NLRC3: variants seen among roughly 807,000 people sequenced by gnomAD.
The protein encoded by NLRC3 is NLR family CARD domain-containing protein 3.
A neutral mutation model predicts 91.6 loss-of-function variants in NLRC3; 87 were observed. That is an observed-to-expected ratio of 0.95 (90% CI 0.80 to 1.14). The LOEUF (loss-of-function observed/expected upper bound fraction) is 1.14, where lower values mean the gene tolerates loss of function less well. Among genes scored for constraint, NLRC3 ranks in the 50% most tolerant of loss-of-function variants. NLRC3 has a pLI of 0.00. For synonymous variants in NLRC3, 694 were observed against 625.3 expected (o/e 1.11, Z -1.64); for missense variants, 1,577 against 1,418.6 (o/e 1.11, Z -1.79).
chr16:3,563,619 G>C lies in NLRC3; in HGVS notation c.1318C>G (p.Gln440Glu). ...GACGATGCCAACGTCTCCTCTCTCT[G>C]CAGGAAGCAGCTGCACGGGGCGCCC... is the stretch of plus-strand genomic sequence containing the variant. Reference protein sequence around the residue: ...LQGAPCSCFLQREETLASSVA... With the variant: ...LQGAPCSCFLEREETLASSVA... The change falls in exon 5 of 20, where the codon CAG (glutamine) becomes GAG (glutamate). Residue 440 changes from glutamine (Q) to glutamate (E), a missense_variant. By Grantham distance (29) the Gln-to-Glu change is conservative (BLOSUM62 2). Coordinates refer to ENST00000359128, the MANE Select transcript of NLRC3 (RefSeq NM_178844.4). 6.2e-7 allele frequency: 1 copy of C among 1,613,446 alleles called. No individual in the cohort carries two copies. Among genetic ancestry groups the C allele is most frequent in the Non-Finnish European group, 8.5e-7 (1 of 1,179,830 alleles).
Position 3,550,473 on chromosome 16 carries a change from A to G in NLRC3, c.2376T>C (p.Asp792=), listed in dbSNP as rs1164218701. Residue 792 remains aspartate (D), a synonymous_variant, in exon 11 of 20, where the codon GAT becomes GAC. Coordinates refer to ENST00000359128, the MANE Select transcript of NLRC3 (RefSeq NM_178844.4). Reference sequence around the variant, plus strand: ...CCTCAGCCAGGGCCTTGGCACCTCCATCACCAATACTATTACTGGAGAACC... The same window carrying G: ...CCTCAGCCAGGGCCTTGGCACCTCCGTCACCAATACTATTACTGGAGAACC... ...ELMFSSNSIG[D]GGAKALAEAL... 6.2e-7 allele frequency: 1 copy of G among 1,613,324 alleles called. No individual in the cohort carries two copies. The highest frequency in any genetic ancestry group is 1.7e-5 in the Admixed American group (1 of 60,018).
In NLRC3 at chr16:3,564,393, G is replaced by T; in HGVS notation, c.544C>A (p.Leu182Ile). 6.2e-7 allele frequency: 1 copy of T among 1,612,630 alleles called. No homozygotes were observed. The highest frequency in any genetic ancestry group is 1.1e-5 in the South Asian group (1 of 91,090). The change falls in exon 5 of 20, where the codon CTC becomes ATC. Residue 182 changes from leucine (L) to isoleucine (I), a missense_variant. Coordinates refer to ENST00000359128, the MANE Select transcript of NLRC3 (RefSeq NM_178844.4). This position sits in a 1 kb window ranked among gnomAD's most constrained non-coding sequence, Gnocchi z 5.9. Reference protein sequence around the residue: ...SLVLPLTFRDLNTHEKLCADR... With the variant: ...SLVLPLTFRDINTHEKLCADR... ...GCACACAGCTTCTCGTGGGTGTTGA[G>T]ATCCCGGAAGGTCAGAGGCAGCACC...
At chr16:3,549,984 T>C (rs1390404787) in intron 11 of NLRC3, among the ~76,000 whole-genome samples, 1 of 151,950 alleles carries the variant, frequency 6.6e-6, no homozygotes, top group Non-Finnish European at 1.5e-5. Flanking sequence ...GGCAGGTGGG[T>C]TCAGCACAAC....
chr16:3,561,568 C>T, intron 6 of NLRC3, 134 bp downstream of exon 6: 1 of 615,792 alleles, frequency 1.6e-6, no homozygotes. Context: ...AAGCAGGCTG[C>T]ATCTGGAGCC....
At position 3,577,359 on chromosome 16, in the gene NLRC3, A is replaced by ACCT. The variant is rs2040346661; in HGVS notation, c.-382_-380dup. On this transcript the variant is annotated 5_prime_UTR_variant, in exon 1 of 20. Transcript: ENST00000359128. ...GGGGGCCGAGAGCAGTGCAGCCCCG[A>ACCT]CCTTCTGCAGCCCCACCGAGCCCAC... 1 of 585,540 alleles carries ACCT rather than the reference A, an allele frequency of 1.7e-6. No individual in the cohort carries two copies. The highest frequency in any genetic ancestry group is 1.9e-5 in the African/African-American group (1 of 52,664). The allele number at this position is 585,540 out of a possible 1,614,324, so 36.3% of individuals were successfully genotyped here.
At chr16:3,550,039 C>T (rs1219686435) in intron 11 of NLRC3, among the ~76,000 whole-genome samples, 1 of 152,174 alleles carries the variant, frequency 6.6e-6, no homozygotes, top group Non-Finnish European at 1.5e-5. Context: ...TGGCCCCAGA[C>T]AGCCTCAGAG....
At chr16:3,546,484 G>A (rs938875876) in intron 15 of NLRC3, among the ~76,000 whole-genome samples, 28 of 152,004 alleles carry the variant, frequency 1.8e-4, no homozygotes, top group Non-Finnish European at 3.5e-4. Flanking sequence ...TTGGACCTGG[G>A]AGGCAGAGGT....
chr16:3,558,831 T>A (rs187583078), intron 6 of NLRC3, among the ~76,000 whole-genome samples: 73 of 152,292 alleles, frequency 4.8e-4, no homozygotes, highest in African/African-American at 1.6e-3. Context: ...TGGAGTGCAG[T>A]GGCATGATCA....
At chr16:3,565,896 C>T (rs55708693) in intron 2 of NLRC3, among the ~76,000 whole-genome samples, 7,132 of 151,374 alleles carry the variant, frequency 0.047, 229 homozygotes, top group Middle Eastern at 0.071. Flanking sequence ...TAAAAATTAG[C>T]CTGGTATGGG....
chr16:3,555,203 C>T (rs1217884581), intron 8 of NLRC3, among the ~76,000 whole-genome samples: 1 of 139,002 alleles, frequency 7.2e-6, no homozygotes, highest in African/African-American at 2.7e-5. Context: ...GCACTCCAGT[C>T]TGGGTGACAG....
chr16:3,566,101 CAAAA>C (rs1027448717), intron 2 of NLRC3, among the ~76,000 whole-genome samples: 7 of 21,318 alleles, frequency 3.3e-4, no homozygotes, highest in East Asian at 1.8e-3. Flanking sequence ...GAGCAAAAAG[CAAAA>C]AAAAAAAAAA....
At chr16:3,549,297 T>TTAG in intron 12 of NLRC3, 72 bp from the exon 13 acceptor site, 1 of 1,146,026 alleles carries the variant, frequency 8.7e-7, no homozygotes, top group Non-Finnish European at 1.3e-6. Flanking sequence ...GCCCAGGTGT[T>TTAG]TAGGCTTCTT....
At position 3,549,185 on chromosome 16, in the gene NLRC3, T is replaced by C. The variant is rs935828388; in HGVS notation, c.2560A>G (p.Ile854Val). The C allele has an allele frequency of 1.3e-6, 2 of 1,589,712 alleles. No homozygotes were observed. Among genetic ancestry groups the C allele is most frequent in the Non-Finnish European group, 1.7e-6 (2 of 1,167,958 alleles). The change falls in exon 13 of 20, where the codon ATC becomes GTC. Residue 854 changes from isoleucine to valine, a missense_variant. Physicochemically the swap from Ile to Val is conservative, Grantham distance 29. Transcript: ENST00000359128. ...NSISPEGAQA[I>V]AHALCANSTL... ...CTGTTGGCGCAGAGGGCATGAGCGA[T>C]GGCCTGGGCTCCCTCGGGACTGATG...
rs1312998753 is a variant in NLRC3, at chr16:3,565,336, G to A, written c.-42C>T. 3.1e-6 allele frequency: 2 copies of A among 637,932 alleles called. No individual in the cohort carries two copies. The highest frequency in any genetic ancestry group is 3.2e-5 in the East Asian group (1 of 31,388). 39.5% of individuals were successfully genotyped at this position (637,932 alleles called of 1,614,324 possible). A position where few individuals can be genotyped will look rare whatever the true frequency, so the allele number is the denominator to read the frequency against. On this transcript the variant is annotated 5_prime_UTR_variant, in exon 3 of 20. Coordinates refer to ENST00000359128, the MANE Select transcript of NLRC3 (RefSeq NM_178844.4). ...CCACTTACCAGATAGGTGACTGAGG[G>A]CAGGCTGAGTCACCTCTCTGCGCCT... is the stretch of plus-strand genomic sequence containing the variant.
rs141368365 is a variant in NLRC3 at position 3,550,236 on chromosome 16, C to T, written c.2435+178G>A. The stretch of plus-strand genomic sequence containing the variant: ...CCAAACACTCCAGACCCTACCCCAG[C>T]CCCCACTGTCTAGGGAAATGGAGCT... On this transcript the variant is annotated intron_variant, in intron 11 of 19. Transcript: ENST00000359128. Among the ~76,000 whole-genome samples the T allele has an allele frequency of 7.9e-3, 1,207 of 152,356 alleles. 12 individuals carry two copies. The highest frequency in any genetic ancestry group is 0.027 in the South Asian group (129 of 4,820).
At chr16:3,556,882 T>C in intron 8 of NLRC3, 29 bp downstream of exon 8, 1 of 1,535,346 alleles carries the variant, frequency 6.5e-7, no homozygotes, top group Non-Finnish European at 9.0e-7. Flanking sequence ...TCTCTTGGGG[T>C]CACAACACAG....
intron 10 of NLRC3, among the ~76,000 whole-genome samples, chr16:3,551,060 C>G (rs116554993): frequency 0.013 from 2,024 of 151,306 alleles, 53 homozygotes; most frequent in African/African-American, 0.047. Context: ...CATCCATCCA[C>G]CTACCCATCA....
intron 3 of NLRC3, 122 bp from the exon 4 acceptor site, chr16:3,565,182 G>T: frequency 2.6e-6 from 2 of 770,202 alleles, no homozygotes; most frequent in Non-Finnish European, 4.3e-6. Flanking sequence ...CAGCCTTTGG[G>T]TGGCCCACTG....
At position 3,553,387 on chromosome 16, in the gene NLRC3, A is replaced by G. The variant is rs116746076; in HGVS notation, c.2267+855T>C. 3.7e-3 allele frequency among the ~76,000 whole-genome samples: 563 copies of G among 152,348 alleles called. 4 individuals are homozygous for G. The highest frequency in any genetic ancestry group is 0.013 in the African/African-American group (533 of 41,584). The stretch of plus-strand genomic sequence containing the variant: ...CCTGCCTTCGGGAATTAGGCTAGGT[A>G]TCTGGCTTGAAGCTCTAAAGTACCT... On this transcript the variant is annotated intron_variant, in intron 9 of 19. Transcript: ENST00000359128.
Sources: gnomAD v4.1 joint callset for allele counts (sites outside exome capture counted in the v4.1 genomes callset) on GRCh38, gnomAD v4.1.1 for gene constraint, Gnocchi (gnomAD v3.1) non-coding constraint, MANE v1.5 for transcripts, NCBI Gene and HGNC (gene_info 2026-07-23, HGNC 2026-07-21) for gene names.